Variants in ITGA11 observed in about 807,000 individuals in gnomAD.
The protein encoded by ITGA11 is integrin alpha-11.
A neutral mutation model predicts 141.9 loss-of-function variants in ITGA11; 97 were observed. That is an observed-to-expected ratio of 0.68 (90% CI 0.58 to 0.81). The LOEUF (loss-of-function observed/expected upper bound fraction) is 0.81. Ranked by LOEUF, ITGA11 falls within the 30% of genes least tolerant of loss-of-function variation. ITGA11 has a pLI of 0.00. For synonymous variants in ITGA11, 658 were observed against 624.6 expected (o/e 1.05, Z -0.80); for missense variants, 1,387 against 1,559.2 (o/e 0.89, Z 1.86).
At chr15:68,355,746 C>T (rs1012620164) in intron 7 of ITGA11, among the ~76,000 whole-genome samples, 2 of 146,504 alleles carry the variant, frequency 1.4e-5, no homozygotes, top group East Asian at 2.0e-4. Flanking sequence ...CGCACCTGGC[C>T]TAAATAGCTC....
intron 1 of ITGA11, among the ~76,000 whole-genome samples, chr15:68,428,532 C>T (rs542997609): frequency 6.6e-6 from 1 of 152,192 alleles, no homozygotes; most frequent in East Asian, 1.9e-4. Flanking sequence ...CCAGGGTCTG[C>T]TTGTGATATG....
chr15:68,398,077 A>G (rs922794008), intron 2 of ITGA11, among the ~76,000 whole-genome samples: 2 of 151,882 alleles, frequency 1.3e-5, no homozygotes, highest in African/African-American at 4.8e-5. Flanking sequence ...CATCAAGACT[A>G]GGAAGAAACT....
intron 20 of ITGA11, 22 bp from the exon 21 acceptor site, chr15:68,317,385 C>T: frequency 6.5e-7 from 1 of 1,545,624 alleles, no homozygotes; most frequent in Non-Finnish European, 8.9e-7. Context: ...TGGCAGACAT[C>T]ATGGCAGCAG....
chr15:68,390,641 G>A (rs775585355), intron 2 of ITGA11, among the ~76,000 whole-genome samples: 1 of 152,210 alleles, frequency 6.6e-6, no homozygotes, highest in Non-Finnish European at 1.5e-5. Context: ...GAGGCAGGAA[G>A]AGCCTGGGTC....
At chr15:68,369,876 T>C (rs1895534758) in intron 2 of ITGA11, among the ~76,000 whole-genome samples, 1 of 152,224 alleles carries the variant, frequency 6.6e-6, no homozygotes, top group Admixed American at 6.5e-5. Context: ...AAAGTGTCTT[T>C]GCAGATGTAA....
intron 1 of ITGA11, among the ~76,000 whole-genome samples, chr15:68,405,698 C>T (rs1896634799): frequency 6.6e-6 from 1 of 151,476 alleles, no homozygotes; most frequent in Non-Finnish European, 1.5e-5. Context: ...GAGAGAGAGA[C>T]AGCAGTGTCA....
At chr15:68,369,355 T>C (rs1384395660) in intron 2 of ITGA11, 71 bp from the exon 3 acceptor site, 2 of 244,646 alleles carry the variant, frequency 8.2e-6, no homozygotes, top group Non-Finnish European at 1.4e-5. Context: ...TGGAGCCTGG[T>C]GGGCAGTGTG....
intron 1 of ITGA11, among the ~76,000 whole-genome samples, chr15:68,414,647 T>C (rs1273500373): frequency 6.6e-6 from 1 of 152,112 alleles, no homozygotes; most frequent in Non-Finnish European, 1.5e-5. Context: ...TCCAAATCCA[T>C]CTCCCCTCAG....
chr15:68,406,021 A>G (rs1896644313), intron 1 of ITGA11, among the ~76,000 whole-genome samples: 1 of 152,146 alleles, frequency 6.6e-6, no homozygotes. Flanking sequence ...CCCTTCCTGC[A>G]TCTGACCCAG....
intron 11 of ITGA11, chr15:68,336,091 G>T: frequency 1.8e-6 from 1 of 561,622 alleles, no homozygotes; most frequent in Middle Eastern, 4.8e-4. Flanking sequence ...CCCTGCTGGA[G>T]AAAATAAAGG....
Position 68,432,104 on chromosome 15 carries a change from C to T in ITGA11, c.-38G>A, listed in dbSNP as rs570251867. The T allele has an allele frequency of 3.7e-6, 5 of 1,345,170 alleles. No homozygotes were observed. Among genetic ancestry groups the T allele is most frequent in the Admixed American group, 4.0e-5 (1 of 24,826 alleles). The allele number at this position is 1,345,170 out of a possible 1,614,324, so 83.3% of individuals were successfully genotyped here. ...GGCGGCTGGGTCCGGTGTGCAGCGGCGGCGGGGGGCGGCAAGCCAGAGCGG... is the reference window on the plus strand; with the variant it reads ...GGCGGCTGGGTCCGGTGTGCAGCGGTGGCGGGGGGCGGCAAGCCAGAGCGG... On this transcript the variant is annotated 5_prime_UTR_variant, in exon 1 of 30. Transcript: ENST00000315757.
chr15:68,375,571 G>C (rs1309035133), intron 2 of ITGA11, among the ~76,000 whole-genome samples: 4 of 152,174 alleles, frequency 2.6e-5, no homozygotes, highest in Non-Finnish European at 5.9e-5. Flanking sequence ...GGCACCTGCA[G>C]GTCTTCCTGG....
At chr15:68,384,057 T>TA (rs1164175346) in intron 2 of ITGA11, among the ~76,000 whole-genome samples, 1 of 152,080 alleles carries the variant, frequency 6.6e-6, no homozygotes, top group East Asian at 1.9e-4. Context: ...GTCTTACCTC[T>TA]AAAAGCATGC....
intron 7 of ITGA11, among the ~76,000 whole-genome samples, chr15:68,354,061 C>T (rs1367352315): frequency 2.0e-5 from 3 of 152,106 alleles, no homozygotes; most frequent in South Asian, 2.1e-4. Flanking sequence ...GAAGCCTTTC[C>T]CCACCACCCT....
chr15:68,350,849 G>A, intron 8 of ITGA11, 67 bp from the exon 9 acceptor site: 1 of 1,509,890 alleles, frequency 6.6e-7, no homozygotes, highest in Non-Finnish European at 8.9e-7. Flanking sequence ...ACACCACACG[G>A]CCTAGACCCT....
chr15:68,413,221 C>G (rs942023822), intron 1 of ITGA11, among the ~76,000 whole-genome samples: 1 of 152,176 alleles, frequency 6.6e-6, no homozygotes, highest in African/African-American at 2.4e-5. Context: ...GAGAACTGCT[C>G]TGTCGAGTTT....
Position 68,332,048 on chromosome 15 carries a change from A to G in ITGA11, c.1581T>C (p.Tyr527=). ...TGTGTGAATCCTTTAGCGTTCCGTTATAAACAAACAGGTTCTGCAAAACCA... is the reference window on the plus strand; with the variant it reads ...TGTGTGAATCCTTTAGCGTTCCGTTGTAAACAAACAGGTTCTGCAAAACCA... ...VYELRQNLFV[Y]NGTLKDSHSY... Residue 527 remains tyrosine (Y), a synonymous_variant, in exon 14 of 30, where the codon TAT becomes TAC. Transcript: ENST00000315757. The G allele has an allele frequency of 1.2e-6, 2 of 1,603,026 alleles. No individual in the cohort carries two copies. The highest frequency in any genetic ancestry group is 2.7e-5 in the African/African-American group (2 of 74,866).
intron 1 of ITGA11, among the ~76,000 whole-genome samples, chr15:68,426,006 T>C (rs368623464): frequency 2.0e-5 from 3 of 152,372 alleles, no homozygotes; most frequent in East Asian, 3.9e-4. Context: ...GCTGGGTTCT[T>C]CTATGTTATA....
chr15:68,394,047 AC>A (rs374848398), intron 2 of ITGA11, among the ~76,000 whole-genome samples: 41 of 152,350 alleles, frequency 2.7e-4, no homozygotes, highest in African/African-American at 8.4e-4. Flanking sequence ...GACTGACACC[AC>A]AGTGGTATAA....
Sources: gnomAD v4.1 joint callset for allele counts (sites outside exome capture counted in the v4.1 genomes callset) on GRCh38, gnomAD v4.1.1 for gene constraint, MANE v1.5 for transcripts, NCBI Gene and HGNC (gene_info 2026-07-23, HGNC 2026-07-21) for gene names.